The following KCNAB1 variants were observed in gnomAD, a reference collection of about 807,000 sequenced individuals.
KCNAB1 encodes the protein voltage-gated potassium channel subunit beta-1.
KCNAB1 carries 35 observed loss-of-function variants against 64.6 expected under a neutral mutation model. The observed-to-expected ratio is 0.54, with a 90% CI of 0.41 to 0.72. The LOEUF is 0.72. KCNAB1 is among the 30% of genes least tolerant of loss of function. The pLI is 0.00. For missense variants in KCNAB1, 401 were observed against 512.9 expected, an observed-to-expected ratio of 0.78 and a Z score of 2.11; for synonymous variants, 177 against 183.8, an observed-to-expected ratio of 0.96 and a Z score of 0.30.
chr3:156,227,452 G>T (rs1280933318), intron 1 of KCNAB1, among the ~76,000 whole-genome samples: 1 of 152,098 alleles, frequency 6.6e-6, no homozygotes, highest in African/African-American at 2.4e-5. Flanking sequence ...CTTTCTCTCC[G>T]ATTTCAGTGA....
chr3:156,531,842 G>C (rs1718722124), intron 13 of KCNAB1, among the ~76,000 whole-genome samples: 1 of 152,180 alleles, frequency 6.6e-6, no homozygotes, highest in African/African-American at 2.4e-5. Flanking sequence ...TTACTTGTTT[G>C]TTCTTTCCAC....
chr3:156,425,627 G>A (rs966355015), intron 2 of KCNAB1, among the ~76,000 whole-genome samples: 40 of 152,238 alleles, frequency 2.6e-4, no homozygotes, highest in African/African-American at 8.9e-4. Flanking sequence ...AGAGAAAAAT[G>A]GTAGAATTTA....
At chr3:156,339,586 A>G (rs1723961611) in intron 1 of KCNAB1, among the ~76,000 whole-genome samples, 1 of 152,148 alleles carries the variant, frequency 6.6e-6, no homozygotes, top group Admixed American at 6.5e-5. Flanking sequence ...AACTTTGCCT[A>G]CTTCAATCCA....
chr3:156,448,742 ATGTTTGTTTGG>A (rs1559889750), intron 2 of KCNAB1, among the ~76,000 whole-genome samples: 6 of 131,872 alleles, frequency 4.5e-5, no homozygotes, highest in African/African-American at 2.4e-4. Context: ...CATAATAAAG[ATGTTTGTTTGG>A]TAGGAAATAT....
intron 1 of KCNAB1, among the ~76,000 whole-genome samples, chr3:156,258,260 G>A (rs1049393268): frequency 6.6e-6 from 1 of 152,168 alleles, no homozygotes; most frequent in Non-Finnish European, 1.5e-5. Flanking sequence ...ACAATGGAAT[G>A]CTATTTTCAG....
At chr3:156,233,093 C>T (rs532946983) in intron 1 of KCNAB1, among the ~76,000 whole-genome samples, 25 of 152,068 alleles carry the variant, frequency 1.6e-4, no homozygotes, top group Admixed American at 1.0e-3. Flanking sequence ...TGAAATCTGC[C>T]AGGTACTGTT....
intron 1 of KCNAB1, among the ~76,000 whole-genome samples, chr3:156,408,989 A>G (rs1255074708): frequency 1.3e-5 from 2 of 152,322 alleles, no homozygotes; most frequent in African/African-American, 4.8e-5. Context: ...TCAGTTGTTC[A>G]GTTTGGCATT....
rs559350861 is a variant in KCNAB1, at chr3:156,126,491, C to T, written c.275+5605C>T. ...TGTAATACAAATAATAGAGCAAAAT[C>T]GTCCCCATATCCCCAAGGAGGGGGA... On this transcript the variant is annotated intron_variant, in intron 1 of 13. Coordinates refer to ENST00000490337, the MANE Select transcript of KCNAB1 (RefSeq NM_172160.3). 1.2e-3 allele frequency among the ~76,000 whole-genome samples: 187 copies of T among 152,304 alleles called. 1 individual carries two copies. The highest frequency in any genetic ancestry group is 3.9e-3 in the South Asian group (19 of 4,822).
intron 1 of KCNAB1, among the ~76,000 whole-genome samples, chr3:156,247,374 A>G (rs150028339): frequency 1.5e-3 from 227 of 152,346 alleles, no homozygotes; most frequent in Non-Finnish European, 2.7e-3. Context: ...GCTGATCACA[A>G]TGGCTAAAAG....
At chr3:156,394,868 A>T (rs372880622) in intron 1 of KCNAB1, among the ~76,000 whole-genome samples, 26 of 152,352 alleles carry the variant, frequency 1.7e-4, no homozygotes, top group South Asian at 1.5e-3. Flanking sequence ...CAGGATATAA[A>T]TGAATGTAAT....
At chr3:156,447,262 T>C (rs1403202403) in intron 2 of KCNAB1, among the ~76,000 whole-genome samples, 1 of 152,234 alleles carries the variant, frequency 6.6e-6, no homozygotes, top group Non-Finnish European at 1.5e-5. Context: ...TTATGTATTT[T>C]ATTTTACATT....
intron 1 of KCNAB1, among the ~76,000 whole-genome samples, chr3:156,278,991 GT>G (rs968009837): frequency 1.5e-4 from 22 of 151,260 alleles, no homozygotes; most frequent in African/African-American, 5.1e-4. Context: ...ATACTTTTAA[GT>G]TTTAGGGTAC....
At chr3:156,305,278 A>G (rs1410766930) in intron 1 of KCNAB1, among the ~76,000 whole-genome samples, 1 of 152,188 alleles carries the variant, frequency 6.6e-6, no homozygotes, top group African/African-American at 2.4e-5. Flanking sequence ...AGGTCTTGTT[A>G]TTTAGCTTTG....
chr3:156,144,530 T>C (rs1714926947), intron 1 of KCNAB1, among the ~76,000 whole-genome samples: 1 of 152,208 alleles, frequency 6.6e-6, no homozygotes, highest in African/African-American at 2.4e-5. Context: ...CATCCTGCTT[T>C]AGAAGGGGAG....
intron 1 of KCNAB1, among the ~76,000 whole-genome samples, chr3:156,244,079 T>C (rs1461502528): frequency 6.6e-6 from 1 of 152,250 alleles, no homozygotes; most frequent in Non-Finnish European, 1.5e-5. Context: ...TTGTAGGTGT[T>C]TCCTAGAGCT....
chr3:156,367,087 TG>T (rs1476876028), intron 1 of KCNAB1, among the ~76,000 whole-genome samples: 2 of 152,172 alleles, frequency 1.3e-5, no homozygotes, highest in African/African-American at 4.8e-5. Context: ...CAGAGAGTTT[TG>T]TAGTTCATAA....
chr3:156,131,066 C>T (rs778914949), intron 1 of KCNAB1, among the ~76,000 whole-genome samples: 1 of 152,230 alleles, frequency 6.6e-6, no homozygotes, highest in Non-Finnish European at 1.5e-5. Flanking sequence ...TCCTTCTCAT[C>T]CTAGCTCTGA....
chr3:156,136,184 T>C (rs576190552), intron 1 of KCNAB1, among the ~76,000 whole-genome samples: 121 of 152,282 alleles, frequency 7.9e-4, no homozygotes, highest in African/African-American at 2.8e-3. Flanking sequence ...GTGGTAACCC[T>C]TAGACACTGA....
intron 1 of KCNAB1, among the ~76,000 whole-genome samples, chr3:156,174,956 A>G (rs1712253415): frequency 6.6e-6 from 1 of 152,156 alleles, no homozygotes; most frequent in Admixed American, 6.5e-5. Context: ...TCAGGGAAAC[A>G]TGGTGTTTCT....
Sources: gnomAD v4.1 joint callset for allele counts (sites outside exome capture counted in the v4.1 genomes callset) on GRCh38, gnomAD v4.1.1 for gene constraint, MANE v1.5 for transcripts, NCBI Gene and HGNC (gene_info 2026-07-23, HGNC 2026-07-21) for gene names.